The following EDAR variants were observed in gnomAD, a reference collection of about 807,000 sequenced individuals.
The protein encoded by EDAR is tumor necrosis factor receptor superfamily member EDAR.
Under a neutral mutation model 51.3 loss-of-function variants are expected in EDAR, and 38 were observed. That is an observed-to-expected ratio of 0.74 (90% confidence interval 0.57 to 0.97). The LOEUF is 0.97. Among genes scored for constraint, EDAR ranks in the 50% least tolerant of loss-of-function variants. The pLI, the probability that EDAR is intolerant of heterozygous loss-of-function variation, is 0.00. For missense variants in EDAR, 528 were observed against 595.0 expected (o/e 0.89, Z 1.17); for synonymous variants, 227 against 242.1 (o/e 0.94, Z 0.58).
At chr2:108,965,585 C>T (rs1379123450) in intron 1 of EDAR, among the ~76,000 whole-genome samples, 2 of 152,216 alleles carry the variant, frequency 1.3e-5, no homozygotes, top group South Asian at 2.1e-4. Context: ...GGATTTTCTC[C>T]TCCTGGGCTC....
At chr2:108,987,223 C>T (rs1312065326) in intron 1 of EDAR, among the ~76,000 whole-genome samples, 2 of 152,238 alleles carry the variant, frequency 1.3e-5, no homozygotes, top group Non-Finnish European at 2.9e-5. Flanking sequence ...TCTTTGGAAA[C>T]CACAAAACGC....
At chr2:108,987,046 T>G (rs1035262242) in intron 1 of EDAR, among the ~76,000 whole-genome samples, 3 of 152,114 alleles carry the variant, frequency 2.0e-5, no homozygotes. Context: ...CTAGGCAGGC[T>G]AGGAGGAGGG....
chr2:108,900,402 A>G (rs969565323), intron 11 of EDAR, among the ~76,000 whole-genome samples: 26 of 152,224 alleles, frequency 1.7e-4, no homozygotes, highest in African/African-American at 5.8e-4. Flanking sequence ...CTAAATATAC[A>G]AAATTAGCTG....
chr2:108,910,611 C>A, intron 8 of EDAR, 79 bp from the exon 9 acceptor site: 1 of 1,431,476 alleles, frequency 7.0e-7, no homozygotes, highest in South Asian at 1.2e-5. Flanking sequence ...CCCTGCTCTT[C>A]CTGTTGGGCA....
chr2:108,896,605 ACATTGTCT>A lies in EDAR; in HGVS notation c.*294_*301del, dbSNP rs1195869151. 3.6e-5 allele frequency: 14 copies of A among 389,586 alleles called. No homozygotes were observed. The highest frequency in any genetic ancestry group is 7.4e-4 in the Middle Eastern group (1 of 1,354). The allele number at this position is 389,586 out of a possible 1,614,324, so 24.1% of individuals were successfully genotyped here. On this transcript the variant is annotated 3_prime_UTR_variant, in exon 12 of 12. Transcript: ENST00000258443. ...GGGGTTTGATTCATTTGAGTCCTCA[ACATTGTCT>A]CATTGTTCAGTGAGTTAATGGTGGG... is the stretch of plus-strand genomic sequence containing the variant.
At chr2:108,947,409 C>T (rs1486649553) in intron 1 of EDAR, among the ~76,000 whole-genome samples, 1 of 152,190 alleles carries the variant, frequency 6.6e-6, no homozygotes, top group Non-Finnish European at 1.5e-5. Context: ...CTCACAGCTC[C>T]ACTAGGCAGT....
At chr2:108,934,033 C>T (rs1471922472) in intron 1 of EDAR, among the ~76,000 whole-genome samples, 1 of 152,172 alleles carries the variant, frequency 6.6e-6, no homozygotes, top group East Asian at 1.9e-4. Flanking sequence ...AGCTGAGCCT[C>T]GGAGGGCTTC....
At chr2:108,983,340 C>T (rs1698446427) in intron 1 of EDAR, among the ~76,000 whole-genome samples, 1 of 152,148 alleles carries the variant, frequency 6.6e-6, no homozygotes, top group Admixed American at 6.5e-5. Flanking sequence ...CAGTGCATTT[C>T]CATATTTTTA....
In EDAR at chr2:108,906,331, G is replaced by C; in HGVS notation, c.1001C>G (p.Ala334Gly). The change falls in exon 11 of 12, where the codon GCC (alanine) becomes GGC (glycine). Residue 334 changes from alanine (A) to glycine (G), a missense_variant. Ala to Gly is a moderately conservative substitution (Grantham distance 60). Coordinates refer to ENST00000258443, the MANE Select transcript of EDAR (RefSeq NM_022336.4). Reference protein sequence around the residue: ...SRRKKILDVYANVCGVVEGLS... With the variant: ...SRRKKILDVYGNVCGVVEGLS... ...ACCTTCCACGACTCCACACACGTTG[G>C]CATACACATCGAGGATCTTTTTCCT... The C allele has an allele frequency of 6.2e-7, 1 of 1,614,174 alleles. No homozygotes were observed.
rs200267845 is a variant in EDAR, at chr2:108,907,952, C to T, written c.871G>A (p.Ala291Thr). The change falls in exon 10 of 12, where the codon GCC (alanine) becomes ACC (threonine). Residue 291 changes from alanine (A) to threonine (T), a missense_variant. By Grantham distance (58) the Ala-to-Thr change is moderately conservative (BLOSUM62 0). Coordinates refer to ENST00000258443, the MANE Select transcript of EDAR (RefSeq NM_022336.4). Reference protein sequence around the residue: ...SRSVDSDEEPAPDKQGSPELC... With the variant: ...SRSVDSDEEPTPDKQGSPELC... Reference sequence around the variant, plus strand: ...TCCGGGGAGCCCTGCTTGTCAGGGGCGGGCTCCTCATCACTGTCGACGCTC... The same window carrying T: ...TCCGGGGAGCCCTGCTTGTCAGGGGTGGGCTCCTCATCACTGTCGACGCTC... The T allele has an allele frequency of 5.4e-5, 87 of 1,613,592 alleles. 1 individual carries two copies. Among genetic ancestry groups the T allele is most frequent in the African/African-American group, 1.6e-4 (12 of 75,024 alleles).
At position 108,896,745 on chromosome 2, in the gene EDAR, G is replaced by T. The variant is rs1242584959; in HGVS notation, c.*162C>A. Reference sequence around the variant, plus strand: ...TAGTCCTTTATCTTTGGTTAAATTGGAAGACAGGCCTTATTTCGTCTGGCT... The same window carrying T: ...TAGTCCTTTATCTTTGGTTAAATTGTAAGACAGGCCTTATTTCGTCTGGCT... On this transcript the variant is annotated 3_prime_UTR_variant, in exon 12 of 12. Transcript: ENST00000258443. The T allele has an allele frequency of 3.0e-6, 2 of 673,960 alleles. No individual in the cohort carries two copies. Among genetic ancestry groups the T allele is most frequent in the Non-Finnish European group, 5.0e-6 (2 of 403,114 alleles). 41.7% of individuals were successfully genotyped at this position (673,960 alleles called of 1,614,324 possible).
chr2:108,958,212 C>A (rs1697961609), intron 1 of EDAR, among the ~76,000 whole-genome samples: 1 of 152,088 alleles, frequency 6.6e-6, no homozygotes, highest in African/African-American at 2.4e-5. Flanking sequence ...CTGGAATGCA[C>A]CCTGGCTGTT....
intron 5 of EDAR, among the ~76,000 whole-genome samples, 164 bp from the exon 6 acceptor site, chr2:108,912,928 A>G (rs1574373801): frequency 6.6e-6 from 1 of 151,854 alleles, no homozygotes; most frequent in Non-Finnish European, 1.5e-5. Context: ...AATGAACCCT[A>G]AAGAGTCATC....
intron 1 of EDAR, among the ~76,000 whole-genome samples, chr2:108,981,584 G>C (rs1418752654): frequency 1.3e-5 from 2 of 152,192 alleles, no homozygotes; most frequent in Non-Finnish European, 2.9e-5. Flanking sequence ...TCTCTGGGGA[G>C]TTCAGCCATG....
At chr2:108,927,434 C>A (rs2105440958) in intron 4 of EDAR, among the ~76,000 whole-genome samples, 1 of 152,310 alleles carries the variant, frequency 6.6e-6, no homozygotes, top group Non-Finnish European at 1.5e-5. Context: ...CTTCCAGTGT[C>A]CAACTTCTTT....
intron 1 of EDAR, among the ~76,000 whole-genome samples, chr2:108,986,176 TACTAGAC>T (rs1698493208): frequency 6.6e-6 from 1 of 152,168 alleles, no homozygotes; most frequent in Admixed American, 6.5e-5. Context: ...TTTTTTTAGT[TACTAGAC>T]TATCTTAGAC....
chr2:108,907,980 G>A lies in EDAR; in HGVS notation c.843C>T (p.Ser281=). The change falls in exon 10 of 12, where the codon AGC becomes AGT. Residue 281 remains serine, a synonymous_variant. Transcript: ENST00000258443. Reference sequence around the variant, plus strand: ...GCTCCTCATCACTGTCGACGCTCCGGCTCAGCAGCTGCTCATTCTCGGATG... The same window carrying A: ...GCTCCTCATCACTGTCGACGCTCCGACTCAGCAGCTGCTCATTCTCGGATG... ...DASSENEQLL[S]RSVDSDEEPA... 1 of 1,611,898 alleles carries A rather than the reference G, an allele frequency of 6.2e-7. No homozygotes were observed.
chr2:108,932,358 C>T (rs967133543), intron 1 of EDAR, among the ~76,000 whole-genome samples: 10 of 151,632 alleles, frequency 6.6e-5, no homozygotes, highest in Non-Finnish European at 1.3e-4. Flanking sequence ...GAAACCTCGT[C>T]TCTACTAAAA....
intron 11 of EDAR, among the ~76,000 whole-genome samples, chr2:108,901,907 C>G (rs1017469856): frequency 1.3e-5 from 2 of 151,946 alleles, no homozygotes; most frequent in African/African-American, 4.8e-5. Flanking sequence ...AGTTCAAGAC[C>G]AGTCTGGCCA....
Sources: gnomAD v4.1 joint callset for allele counts (sites outside exome capture counted in the v4.1 genomes callset) on GRCh38, gnomAD v4.1.1 for gene constraint, MANE v1.5 for transcripts, NCBI Gene and HGNC (gene_info 2026-07-23, HGNC 2026-07-21) for gene names.